Variants in DMAC2L observed in about 807,000 individuals in gnomAD.
DMAC2L encodes the protein ATP synthase subunit s, mitochondrial.
DMAC2L carries 21 observed loss-of-function variants against 22.5 expected under a neutral mutation model. That is an observed-to-expected ratio of 0.93 (90% CI 0.66 to 1.34). DMAC2L has a LOEUF of 1.34. Among genes scored for constraint, DMAC2L ranks in the 40% most tolerant of loss-of-function variants. The pLI is 0.00. For synonymous variants in DMAC2L, 86 were observed against 89.5 expected (o/e 0.96, Z 0.22); for missense variants, 239 against 246.5 (o/e 0.97, Z 0.20).
At chr14:50,311,678 T>G (rs1430867095), upstream of DMAC2L, among the ~76,000 whole-genome samples, 1 of 152,206 alleles carries the variant, frequency 6.6e-6, no homozygotes, top group African/African-American at 2.4e-5. Context: ...ATCCTTCAAA[T>G]GACCACCTAC....
intron 2 of DMAC2L, among the ~76,000 whole-genome samples, chr14:50,320,136 C>G (rs1967920): frequency 0.57 from 85,942 of 151,356 alleles, 24,341 homozygotes; most frequent in Middle Eastern, 0.62. Flanking sequence ...CTGTTGTCCA[C>G]GCTGGAGTGC....
chr14:50,318,447 A>C (rs1054386761), intron 2 of DMAC2L, among the ~76,000 whole-genome samples: 1 of 152,250 alleles, frequency 6.6e-6, no homozygotes, highest in Non-Finnish European at 1.5e-5. Flanking sequence ...GCTAAATTAT[A>C]AGATGGGCCA....
At chr14:50,317,993 A>G (rs184313547) in intron 2 of DMAC2L, among the ~76,000 whole-genome samples, 2 of 152,140 alleles carry the variant, frequency 1.3e-5, no homozygotes, top group Non-Finnish European at 2.9e-5. Flanking sequence ...TTCTGCATCT[A>G]TTGAGATGAT....
intron 2 of DMAC2L, chr14:50,319,373 C>T: frequency 6.5e-7 from 1 of 1,528,710 alleles, no homozygotes; most frequent in Non-Finnish European, 8.8e-7. Context: ...ACTTCCTCAG[C>T]TTTAAGGTGT....
chr14:50,325,006 A>G (rs1007604320), intron 5 of DMAC2L, among the ~76,000 whole-genome samples: 1 of 151,846 alleles, frequency 6.6e-6, no homozygotes, highest in African/African-American at 2.4e-5. Context: ...GAACTCCTGA[A>G]CTCATGATCC....
At chr14:50,313,120 A>G in intron 1 of DMAC2L, 1 of 1,351,638 alleles carries the variant, frequency 7.4e-7, no homozygotes, top group East Asian at 2.3e-5. Flanking sequence ...TAATCTCTAA[A>G]GGACCTTCTA....
Position 50,322,831 on chromosome 14 carries a change from T to C in DMAC2L, c.316+112T>C, listed in dbSNP as rs2032392211. 2.6e-6 allele frequency: 4 copies of C among 1,536,946 alleles called. No homozygotes were observed. The Admixed American group carries it at 7.9e-5, about 30-fold the overall frequency. On this transcript the variant is annotated intron_variant, in intron 4 of 5. Coordinates refer to ENST00000557421, the MANE Select transcript of DMAC2L (RefSeq NM_001382507.1). ...GGTATGTCCTTTTTGCCCATTTCAT[T>C]ATAGTCAAGTTTGTTTCTTCCTGTG... is the stretch of plus-strand genomic sequence containing the variant.
At chr14:50,323,025 A>G (rs969139598) in intron 4 of DMAC2L, 115 of 1,274,366 alleles carry the variant, frequency 9.0e-5, no homozygotes, top group Non-Finnish European at 8.8e-5. Context: ...GAAGCCCTCA[A>G]TAATGCAGGA....
chr14:50,324,625 T>G (rs113606221), intron 5 of DMAC2L: 4 of 152,384 alleles, frequency 2.6e-5, no homozygotes, highest in African/African-American at 9.7e-5. Flanking sequence ...CTACATCCTC[T>G]TGTGCCACCA....
At chr14:50,313,023 G>C in intron 1 of DMAC2L, 3 of 1,614,150 alleles carry the variant, frequency 1.9e-6, no homozygotes, top group Non-Finnish European at 2.5e-6. Flanking sequence ...AGTTTTAAAT[G>C]TGCTGTGCGG....
rs1183118690 is a variant in DMAC2L at position 50,326,239 on chromosome 14, AAAAG to A, written c.*520_*523del. ...GCGAGACTGTCTCAAAAAAAAAAAA[AAAAG>A]AAAAATGTAAACTAGGTAACATTTT... is the stretch of plus-strand genomic sequence containing the variant. On this transcript the variant is annotated 3_prime_UTR_variant, in exon 6 of 6. Coordinates refer to ENST00000557421, the MANE Select transcript of DMAC2L (RefSeq NM_001382507.1). 2.3e-6 allele frequency: 1 copy of A among 430,682 alleles called. No individual in the cohort carries two copies. Among genetic ancestry groups the A allele is most frequent in the African/African-American group, 2.2e-5 (1 of 46,498 alleles). 26.7% of individuals were successfully genotyped at this position (430,682 alleles called of 1,614,324 possible).
At position 50,312,924 on chromosome 14, in the gene DMAC2L, C is replaced by T. The variant is rs2031381641; in HGVS notation, c.-42+535C>T. The T allele has an allele frequency of 5.7e-6, 8 of 1,406,244 alleles. No homozygotes were observed. The South Asian group carries it at 8.2e-5, about 14-fold the overall frequency. 87.1% of individuals were successfully genotyped at this position (1,406,244 alleles called of 1,614,324 possible). A position where few individuals can be genotyped will look rare whatever the true frequency, so the allele number is the denominator to read the frequency against. ...TGGAGCGCCTGCTCTGTACTCGACC[C>T]GGCACTGGGTACCGGAAGAACCAGA... On this transcript the variant is annotated intron_variant, in intron 1 of 5. Coordinates refer to ENST00000557421, the MANE Select transcript of DMAC2L (RefSeq NM_001382507.1).
intron 1 of DMAC2L, among the ~76,000 whole-genome samples, chr14:50,314,114 T>C (rs540620497): frequency 6.6e-6 from 1 of 152,218 alleles, no homozygotes; most frequent in Non-Finnish European, 1.5e-5. Flanking sequence ...ATTGATATGG[T>C]TTGGCTGTGT....
rs1358749449 is a variant in DMAC2L, at chr14:50,319,143, TATTTGTAAATAAG to T, written c.-5-2336_-5-2324del. The T allele has an allele frequency of 2.0e-6, 3 of 1,520,308 alleles. No homozygotes were observed. The African/African-American group carries it at 4.1e-5, about 21-fold the overall frequency. 94.2% of individuals were successfully genotyped at this position (1,520,308 alleles called of 1,614,324 possible). On this transcript the variant is annotated intron_variant, in intron 2 of 5. Coordinates refer to ENST00000557421, the MANE Select transcript of DMAC2L (RefSeq NM_001382507.1). ...CCTGAGTAGAAGCTGGGAAAGCCCA[TATTTGTAAATAAG>T]ATTGACAACTAATAGAGTTATTCAA...
chr14:50,324,285 T>G, intron 5 of DMAC2L, 169 bp downstream of exon 5: 1 of 576,736 alleles, frequency 1.7e-6, no homozygotes, highest in Non-Finnish European at 2.7e-6. Context: ...TGATCAACCT[T>G]AATACATTAA....
chr14:50,320,413 C>T (rs919120344), intron 2 of DMAC2L, among the ~76,000 whole-genome samples: 1 of 152,192 alleles, frequency 6.6e-6, no homozygotes, highest in Non-Finnish European at 1.5e-5. Context: ...CTCCCTGCTA[C>T]ATACAGAATA....
chr14:50,321,486 A>G lies in DMAC2L; in HGVS notation c.-2A>G. ...AAGTACTGTTTTGTGTGTCTAGATC[A>G]AATGATGCCGTTTGGAAAAATTTCC... On this transcript the variant is annotated 5_prime_UTR_variant, in exon 3 of 6. Coordinates refer to ENST00000557421, the MANE Select transcript of DMAC2L (RefSeq NM_001382507.1). 6.2e-7 allele frequency: 1 copy of G among 1,613,914 alleles called. No individual in the cohort carries two copies. The highest frequency in any genetic ancestry group is 8.5e-7 in the Non-Finnish European group (1 of 1,179,852).
chr14:50,312,991 C>A, intron 1 of DMAC2L: 1 of 1,614,118 alleles, frequency 6.2e-7, no homozygotes, highest in Non-Finnish European at 8.5e-7. Flanking sequence ...GTGTCCTTTT[C>A]TTGAGTACTG....
chr14:50,312,181 C>T, upstream of DMAC2L: 1 of 1,606,432 alleles, frequency 6.2e-7, no homozygotes, highest in Non-Finnish European at 8.5e-7. Flanking sequence ...CCTCAGCGCT[C>T]AGAAGAAGCC....
Sources: gnomAD v4.1 joint callset for allele counts (sites outside exome capture counted in the v4.1 genomes callset) on GRCh38, gnomAD v4.1.1 for gene constraint, MANE v1.5 for transcripts, NCBI Gene and HGNC (gene_info 2026-07-23, HGNC 2026-07-21) for gene names.